LMF1: variants seen among roughly 807,000 people sequenced by gnomAD.
The protein encoded by LMF1 is transmembrane protein 112.
LMF1 carries 68 observed loss-of-function variants against 60.6 expected under a neutral mutation model. That is an observed-to-expected ratio of 1.12 (90% CI 0.92 to 1.37). The LOEUF is 1.37. Among genes scored for constraint, LMF1 ranks in the 40% most tolerant of loss-of-function variants. The pLI is 0.00. For synonymous variants in LMF1, 418 were observed against 324.7 expected (o/e 1.29, Z -3.09); for missense variants, 948 against 767.2 (o/e 1.24, Z -2.78).
In LMF1 at chr16:854,381, C is replaced by T. The variant is rs1482121063; in HGVS notation, c.*151G>A. 3 of 856,042 alleles carry T rather than the reference C, an allele frequency of 3.5e-6. No homozygotes were observed. The highest frequency in any genetic ancestry group is 5.6e-6 in the Non-Finnish European group (3 of 534,052). The allele number at this position is 856,042 out of a possible 1,614,324, so 53.0% of individuals were successfully genotyped here. A position where few individuals can be genotyped will look rare whatever the true frequency, so the allele number is the denominator to read the frequency against. ...CCGCCACAGTATGTGACAACAGACC[C>T]CACCCTGGACCCCCGTGCTGGGGGC... On this transcript the variant is annotated 3_prime_UTR_variant, in exon 11 of 11. Transcript: ENST00000262301.
intron 3 of LMF1, among the ~76,000 whole-genome samples, chr16:932,883 T>G (rs1300686963): frequency 2.0e-5 from 3 of 151,292 alleles, no homozygotes; most frequent in Non-Finnish European, 2.9e-5. Context: ...TCACGTCTAC[T>G]CGCTCCCACA....
intron 2 of LMF1, among the ~76,000 whole-genome samples, chr16:949,789 C>G (rs2072389029): frequency 9.2e-6 from 1 of 108,836 alleles, no homozygotes; most frequent in Non-Finnish European, 1.7e-5. Context: ...ATGACAGAGT[C>G]AGAGCCAACG....
intron 3 of LMF1, among the ~76,000 whole-genome samples, chr16:931,139 G>GAAA (rs2071771252): frequency 6.6e-6 from 1 of 152,190 alleles, no homozygotes; most frequent in Non-Finnish European, 1.5e-5. Flanking sequence ...AAAAGGTCTG[G>GAAA]GACCGCCCAG....
chr16:941,067 T>C (rs1053331095), intron 2 of LMF1, among the ~76,000 whole-genome samples: 2 of 152,232 alleles, frequency 1.3e-5, no homozygotes, highest in African/African-American at 4.8e-5. Flanking sequence ...CTCCGTGTCC[T>C]GAACTTTACT....
intron 5 of LMF1, among the ~76,000 whole-genome samples, chr16:891,194 C>A (rs1026479630): frequency 4.6e-5 from 7 of 152,200 alleles, no homozygotes; most frequent in Non-Finnish European, 1.0e-4. Context: ...CCAAGAGTTG[C>A]AACCTGCGTC....
chr16:860,346 T>G (rs974462684), intron 10 of LMF1, among the ~76,000 whole-genome samples: 4 of 148,284 alleles, frequency 2.7e-5, no homozygotes, highest in Non-Finnish European at 4.5e-5. Context: ...TCCTGAAAGT[T>G]TTTTTTTTTT....
chr16:921,907 A>C (rs1250636407), intron 3 of LMF1, among the ~76,000 whole-genome samples: 1 of 152,236 alleles, frequency 6.6e-6, no homozygotes, highest in Non-Finnish European at 1.5e-5. Context: ...TAGAAAATTT[A>C]AAAACAAAAC....
intron 3 of LMF1, chr16:931,896 A>G: frequency 2.2e-6 from 2 of 911,274 alleles, no homozygotes; most frequent in Non-Finnish European, 3.0e-6. Flanking sequence ...CCCTACAATT[A>G]CCACCTGCTA....
chr16:869,474 C>A lies in LMF1; in HGVS notation c.1416+409G>T, dbSNP rs986157621. 1.3e-5 allele frequency: 7 copies of A among 546,174 alleles called. No homozygotes were observed. The East Asian group carries it at 2.7e-4, about 21-fold the overall frequency. 33.8% of individuals were successfully genotyped at this position (546,174 alleles called of 1,614,324 possible). On this transcript the variant is annotated intron_variant, in intron 9 of 10. Transcript: ENST00000262301. The stretch of plus-strand genomic sequence containing the variant: ...TGAGACAGGGTCTGGCTCCGTCCCC[C>A]AGACTGGAAGGCAACGCTGCCATCA...
chr16:951,489 G>A (rs1444707343), intron 2 of LMF1, among the ~76,000 whole-genome samples: 1 of 152,194 alleles, frequency 6.6e-6, no homozygotes, highest in African/African-American at 2.4e-5. Context: ...CCAGCTCTGA[G>A]CAGAGTCAGA....
chr16:917,821 C>T lies in LMF1; in HGVS notation c.515-6742G>A, dbSNP rs181096008. On this transcript the variant is annotated intron_variant, in intron 3 of 10. Coordinates refer to ENST00000262301, the MANE Select transcript of LMF1 (RefSeq NM_022773.4). ...GGCTCCTTCCCTCCTCTGGGATTGACCAGGCTGTGTCTGGAGTGGACTGCA... is the reference window on the plus strand; with the variant it reads ...GGCTCCTTCCCTCCTCTGGGATTGATCAGGCTGTGTCTGGAGTGGACTGCA... 2.7e-3 allele frequency among the ~76,000 whole-genome samples: 411 copies of T among 152,342 alleles called. 3 individuals carry two copies. Among genetic ancestry groups the T allele is most frequent in the Middle Eastern group, 0.024 (7 of 294 alleles).
chr16:880,680 C>T (rs928823529), intron 5 of LMF1, among the ~76,000 whole-genome samples: 4 of 152,228 alleles, frequency 2.6e-5, no homozygotes, highest in Admixed American at 2.6e-4. Flanking sequence ...GACAGTCGAT[C>T]CATCAATCAA....
intron 2 of LMF1, among the ~76,000 whole-genome samples, chr16:938,774 G>C (rs1269602232): frequency 3.9e-5 from 6 of 152,310 alleles, no homozygotes; most frequent in Admixed American, 2.6e-4. Context: ...CCATTACTGT[G>C]TGAAAACCGA....
intron 2 of LMF1, among the ~76,000 whole-genome samples, chr16:953,261 A>C (rs375340915): frequency 6.4e-3 from 197 of 30,670 alleles, no homozygotes; most frequent in Middle Eastern, 0.029. Context: ...ACCCACCCCA[A>C]ACCAGCCTCC....
chr16:948,731 C>T (rs2072328832), intron 2 of LMF1, among the ~76,000 whole-genome samples: 1 of 118,490 alleles, frequency 8.4e-6, no homozygotes, highest in Non-Finnish European at 1.7e-5. Context: ...CAGCCAATGA[C>T]AGAGTCAGAG....
intron 1 of LMF1, among the ~76,000 whole-genome samples, chr16:967,262 A>G (rs757685505): frequency 2.6e-5 from 4 of 151,990 alleles, no homozygotes; most frequent in Non-Finnish European, 4.4e-5. Context: ...TTTGCCACAC[A>G]CGCCCCCGTA....
Position 869,916 on chromosome 16 carries a change from G to A in LMF1, c.1383C>T (p.Arg461=). Residue 461 remains arginine (R), a synonymous_variant, in exon 9 of 11, where the codon CGC becomes CGT. Coordinates refer to ENST00000262301, the MANE Select transcript of LMF1 (RefSeq NM_022773.4). ...RPCLISPYHY[R]LDWLMWFAAF... is the part of the protein sequence containing the mutation. ...CCGCGAACCACATCAGCCAGTCCAGGCGGTAGTGGTACGGGGAGATGAGGC... is the reference window on the plus strand; with the variant it reads ...CCGCGAACCACATCAGCCAGTCCAGACGGTAGTGGTACGGGGAGATGAGGC... 6.2e-7 allele frequency: 1 copy of A among 1,613,154 alleles called. No individual in the cohort carries two copies.
chr16:970,712 G>A, intron 1 of LMF1, 76 bp downstream of exon 1: 1 of 1,331,720 alleles, frequency 7.5e-7, no homozygotes, highest in Non-Finnish European at 1.0e-6. Context: ...CCGCGCGGAG[G>A]AGTCTCGAGG....
In LMF1 at chr16:854,491, C is replaced by G; in HGVS notation, c.*41G>C. The stretch of plus-strand genomic sequence containing the variant: ...CAGGGAAGGGCAAACGTTGCTGAGC[C>G]GCCGAGGGGCTGGGTCTTCGCCTTT... On this transcript the variant is annotated 3_prime_UTR_variant, in exon 11 of 11. Coordinates refer to ENST00000262301, the MANE Select transcript of LMF1 (RefSeq NM_022773.4). 6.4e-7 allele frequency: 1 copy of G among 1,572,298 alleles called. No individual in the cohort carries two copies. The highest frequency in any genetic ancestry group is 8.6e-7 in the Non-Finnish European group (1 of 1,162,884).
Sources: allele counts gnomAD v4.1 joint callset (sites outside exome capture counted in the v4.1 genomes callset), GRCh38; gene constraint gnomAD v4.1.1; transcripts MANE v1.5; gene names NCBI Gene and HGNC (gene_info 2026-07-23, HGNC 2026-07-21).